Variants in ATE1 observed in about 807,000 individuals in gnomAD.
ATE1 encodes the protein arginyl-tRNA--protein transferase 1.
A neutral mutation model predicts 70.5 loss-of-function variants in ATE1; 36 were observed. That is an observed-to-expected ratio of 0.51 (90% confidence interval 0.39 to 0.67). The LOEUF (loss-of-function observed/expected upper bound fraction) is 0.67, where lower values mean the gene tolerates loss of function less well. ATE1 is among the 30% of genes least tolerant of loss of function. ATE1 has a pLI of 0.00. For missense variants in ATE1, 593 were observed against 629.5 expected, an observed-to-expected ratio of 0.94 and a Z score of 0.62; for synonymous variants, 232 against 219.3, an observed-to-expected ratio of 1.06 and a Z score of -0.51.
intron 11 of ATE1, among the ~76,000 whole-genome samples, chr10:121,759,004 A>C (rs1944923882): frequency 6.6e-6 from 1 of 152,122 alleles, no homozygotes; most frequent in South Asian, 2.1e-4. Context: ...AAATTAGGCC[A>C]ATTAAAAACC....
intron 10 of ATE1, among the ~76,000 whole-genome samples, chr10:121,793,731 T>C (rs1946544703): frequency 6.6e-6 from 1 of 152,174 alleles, no homozygotes; most frequent in Non-Finnish European, 1.5e-5. Context: ...ATTAAGCCCT[T>C]GGTTTGTAAA....
At chr10:121,791,104 T>A (rs867087532) in intron 10 of ATE1, among the ~76,000 whole-genome samples, 4,236 of 134,348 alleles carry the variant, frequency 0.032, 105 homozygotes, top group Middle Eastern at 0.059. Context: ...ATATTTTTTT[T>A]TTTTTTTGAG....
chr10:121,852,306 AAC>A (rs1464874465), intron 8 of ATE1, among the ~76,000 whole-genome samples: 1 of 152,230 alleles, frequency 6.6e-6, no homozygotes, highest in Non-Finnish European at 1.5e-5. Context: ...TTTAGTAAAT[AAC>A]AGTTAATGGA....
chr10:121,928,415 TCCA>T, upstream of ATE1: 1 of 1,523,800 alleles, frequency 6.6e-7, no homozygotes, highest in South Asian at 1.2e-5. Context: ...GCCCTTGTAT[TCCA>T]CCACCGACGC....
chr10:121,857,393 G>A (rs1003615765), intron 8 of ATE1, among the ~76,000 whole-genome samples: 1 of 152,168 alleles, frequency 6.6e-6, no homozygotes, highest in African/African-American at 2.4e-5. Flanking sequence ...GTTTGCTTAG[G>A]ATAATGGTCT....
At chr10:121,921,682 G>C (rs1199166040) in intron 3 of ATE1, among the ~76,000 whole-genome samples, 1 of 151,982 alleles carries the variant, frequency 6.6e-6, no homozygotes, top group Non-Finnish European at 1.5e-5. Flanking sequence ...ACGGACATCT[G>C]GGTTGCTTGG....
intron 8 of ATE1, among the ~76,000 whole-genome samples, chr10:121,844,918 AAAG>A (rs1024045182): frequency 4.0e-5 from 6 of 148,204 alleles, no homozygotes; most frequent in South Asian, 2.1e-4. Flanking sequence ...AAAAAAAAAA[AAAG>A]AAGGTTTGTG....
At chr10:121,895,757 C>T (rs190989743) in intron 7 of ATE1, among the ~76,000 whole-genome samples, 207 of 152,184 alleles carry the variant, frequency 1.4e-3, no homozygotes, top group Non-Finnish European at 2.1e-3. Flanking sequence ...AATCTCATTG[C>T]TACTAAAATA....
At chr10:121,899,761 G>A in intron 7 of ATE1, 105 bp downstream of exon 7, 1 of 1,471,008 alleles carries the variant, frequency 6.8e-7, no homozygotes. Flanking sequence ...GCTGCAAATT[G>A]AACACAAATA....
chr10:121,768,930 A>G (rs1372948042), intron 11 of ATE1, among the ~76,000 whole-genome samples: 2 of 152,162 alleles, frequency 1.3e-5, no homozygotes, highest in Non-Finnish European at 2.9e-5. Context: ...GAAACAATCC[A>G]TGTTCATGGG....
At position 121,865,320 on chromosome 10, in the gene ATE1, C is replaced by T. The variant is rs142907832; in HGVS notation, c.975+4686G>A. Among the ~76,000 whole-genome samples, 33 of 152,268 alleles carry T rather than the reference C, an allele frequency of 2.2e-4. 1 individual carries two copies. In the East Asian group the frequency reaches 6.2e-3, roughly 29 times the overall value. ...TTTGAAATGAAGGAACAGAAGGACA[C>T]ACCTGAAGAGAAACCTAGGTGACCT... On this transcript the variant is annotated intron_variant, in intron 8 of 11. Coordinates refer to ENST00000224652, the MANE Select transcript of ATE1 (RefSeq NM_001001976.3).
intron 10 of ATE1, among the ~76,000 whole-genome samples, chr10:121,793,566 A>C (rs1946538154): frequency 6.6e-6 from 1 of 152,212 alleles, no homozygotes; most frequent in African/African-American, 2.4e-5. Context: ...CTGTTCTAAA[A>C]AATGACATTT....
intron 11 of ATE1, chr10:121,782,838 C>CTAG (rs1170929498): frequency 1.3e-5 from 2 of 152,150 alleles, no homozygotes; most frequent in Non-Finnish European, 2.9e-5. Context: ...ACTGGCCTAG[C>CTAG]CTCCCATTCT....
intron 10 of ATE1, 147 bp downstream of exon 10, chr10:121,836,571 A>G (rs1484227646): frequency 7.4e-6 from 4 of 542,220 alleles, no homozygotes; most frequent in Non-Finnish European, 1.3e-5. Flanking sequence ...CATTACAGAG[A>G]GCTTAATTTC....
chr10:121,803,545 T>G (rs747766456), intron 10 of ATE1, among the ~76,000 whole-genome samples: 2 of 152,226 alleles, frequency 1.3e-5, no homozygotes, highest in Non-Finnish European at 2.9e-5. Flanking sequence ...TCTGCCTAAT[T>G]AGAATCATTT....
chr10:121,899,806 T>C (rs1219885956), intron 7 of ATE1, 60 bp downstream of exon 7: 1 of 1,553,294 alleles, frequency 6.4e-7, no homozygotes, highest in Non-Finnish European at 8.7e-7. Flanking sequence ...TTTCATTAAA[T>C]GATATTAAGT....
At chr10:121,887,641 G>A (rs1197171053) in intron 7 of ATE1, among the ~76,000 whole-genome samples, 2 of 152,132 alleles carry the variant, frequency 1.3e-5, no homozygotes, top group African/African-American at 4.8e-5. Flanking sequence ...AAGAGTTTGA[G>A]GTTACAGTGA....
At chr10:121,784,568 A>G (rs574266373) in intron 11 of ATE1, among the ~76,000 whole-genome samples, 1 of 152,318 alleles carries the variant, frequency 6.6e-6, no homozygotes, top group Admixed American at 6.5e-5. Flanking sequence ...AAAAATAGTA[A>G]TAATACAGGC....
At chr10:121,910,446 A>C (rs1951376141) in intron 5 of ATE1, among the ~76,000 whole-genome samples, 1 of 152,218 alleles carries the variant, frequency 6.6e-6, no homozygotes, top group South Asian at 2.1e-4. Flanking sequence ...GCAAAGTTAA[A>C]CATCAAAATC....
Sources: gnomAD v4.1 joint callset for allele counts (sites outside exome capture counted in the v4.1 genomes callset) on GRCh38, gnomAD v4.1.1 for gene constraint, MANE v1.5 for transcripts, NCBI Gene and HGNC (gene_info 2026-07-23, HGNC 2026-07-21) for gene names.